The following AUH variants were observed in gnomAD, a reference collection of about 807,000 sequenced individuals.
The protein encoded by AUH is methylglutaconyl-CoA hydratase, mitochondrial.
Under a neutral mutation model 42.3 loss-of-function variants are expected in AUH, and 29 were observed. That is an observed-to-expected ratio of 0.69 (90% CI 0.51 to 0.93). The LOEUF (loss-of-function observed/expected upper bound fraction) is 0.93, where lower values mean the gene tolerates loss of function less well. Among genes scored for constraint, AUH ranks in the 40% least tolerant of loss-of-function variants. The probability of loss-of-function intolerance (pLI) is 0.00; values close to 1 mark genes in which losing one functional copy is unlikely to be tolerated. For missense variants in AUH, 452 were observed against 438.1 expected, an observed-to-expected ratio of 1.03 and a Z score of -0.28; for synonymous variants, 174 against 166.4, an observed-to-expected ratio of 1.05 and a Z score of -0.35.
At chr9:91,216,614 CT>C (rs1200589974) in intron 8 of AUH, among the ~76,000 whole-genome samples, 1 of 152,174 alleles carries the variant, frequency 6.6e-6, no homozygotes, top group Non-Finnish European at 1.5e-5. Flanking sequence ...AAGTCAATCT[CT>C]TTTTACTGCT....
Position 91,361,875 on chromosome 9 carries a change from C to A in AUH, c.15G>T (p.Val5=). ...ATCCCAAGGCCCCAGGTGCCGCCGC[C>A]ACCGCGGCCGCCATGTTGTCTGTTT... MAAA[V]AAAPGALGSL... Residue 5 remains valine, a synonymous_variant, in exon 1 of 10, where the codon GTG becomes GTT. Transcript: ENST00000375731. 1 of 1,466,972 alleles carries A rather than the reference C, an allele frequency of 6.8e-7. No individual in the cohort carries two copies. Among genetic ancestry groups the A allele is most frequent in the Non-Finnish European group, 9.0e-7 (1 of 1,115,656 alleles). 90.9% of individuals were successfully genotyped at this position (1,466,972 alleles called of 1,614,324 possible). A position where few individuals can be genotyped will look rare whatever the true frequency, so the allele number is the denominator to read the frequency against.
chr9:91,227,833 C>A (rs895334338), intron 6 of AUH, among the ~76,000 whole-genome samples: 1 of 152,068 alleles, frequency 6.6e-6, no homozygotes, highest in South Asian at 2.1e-4. Flanking sequence ...GTCTTTGGCT[C>A]TGTTTATGTG....
At chr9:91,267,653 G>A (rs1328143145) in intron 6 of AUH, among the ~76,000 whole-genome samples, 5 of 152,100 alleles carry the variant, frequency 3.3e-5, no homozygotes, top group African/African-American at 4.8e-5. Flanking sequence ...AGAGGTAAAA[G>A]CATTCCACTG....
At chr9:91,217,559 C>T (rs976377524) in intron 7 of AUH, among the ~76,000 whole-genome samples, 1 of 152,098 alleles carries the variant, frequency 6.6e-6, no homozygotes, top group Non-Finnish European at 1.5e-5. Flanking sequence ...CTGCAAACTC[C>T]GGATCCTTAA....
At chr9:91,334,314 T>A (rs1416773443) in intron 3 of AUH, among the ~76,000 whole-genome samples, 1 of 152,180 alleles carries the variant, frequency 6.6e-6, no homozygotes, top group Non-Finnish European at 1.5e-5. Flanking sequence ...ATGACTAGCA[T>A]TTGAATTCGT....
chr9:91,239,814 C>G (rs1001918707), intron 6 of AUH, among the ~76,000 whole-genome samples: 1 of 152,100 alleles, frequency 6.6e-6, no homozygotes, highest in Non-Finnish European at 1.5e-5. Flanking sequence ...CTAACTGGCT[C>G]AACCCCAGCA....
chr9:91,254,077 C>A (rs1322256141), intron 6 of AUH, among the ~76,000 whole-genome samples: 1 of 152,156 alleles, frequency 6.6e-6, no homozygotes, highest in Non-Finnish European at 1.5e-5. Context: ...AACAAATTCA[C>A]AGAAAGAACG....
In AUH at chr9:91,237,146, G is replaced by A. The variant is rs1377885834; in HGVS notation, c.656-16154C>T. On this transcript the variant is annotated intron_variant, in intron 6 of 9. Coordinates refer to ENST00000375731, the MANE Select transcript of AUH (RefSeq NM_001698.3). ...GTGATGAAAATAAACAATAAGCTAT[G>A]TTATAGGTAAAAGATGAATGCCAAT... Among the ~76,000 whole-genome samples the A allele has an allele frequency of 2.6e-5, 4 of 152,286 alleles. No homozygotes were observed. In the South Asian group the frequency reaches 6.2e-4, roughly 24 times the overall value.
chr9:91,312,919 T>G (rs999811736), intron 4 of AUH, among the ~76,000 whole-genome samples: 1 of 152,180 alleles, frequency 6.6e-6, no homozygotes, highest in Non-Finnish European at 1.5e-5. Flanking sequence ...TATTTGTGAT[T>G]CATGAGGCAG....
At chr9:91,282,759 C>A (rs562190842) in intron 6 of AUH, among the ~76,000 whole-genome samples, 1 of 152,160 alleles carries the variant, frequency 6.6e-6, no homozygotes, top group African/African-American at 2.4e-5. Context: ...AAGACGAAAC[C>A]AGGAAGAAGC....
chr9:91,304,705 C>G (rs1162067050), intron 4 of AUH, among the ~76,000 whole-genome samples: 1 of 152,140 alleles, frequency 6.6e-6, no homozygotes, highest in African/African-American at 2.4e-5. Context: ...TATTAATTAA[C>G]AAATTAGCAT....
intron 3 of AUH, among the ~76,000 whole-genome samples, chr9:91,344,417 T>A (rs1445467507): frequency 6.6e-6 from 1 of 152,186 alleles, no homozygotes; most frequent in Non-Finnish European, 1.5e-5. Flanking sequence ...CTAAAATGTA[T>A]AAAACCAAGC....
At chr9:91,264,780 G>A (rs1829884097) in intron 6 of AUH, among the ~76,000 whole-genome samples, 1 of 152,104 alleles carries the variant, frequency 6.6e-6, no homozygotes. Context: ...GAGGTATTTG[G>A]GAAGCTAACT....
At chr9:91,271,031 A>C (rs1825081544) in intron 6 of AUH, among the ~76,000 whole-genome samples, 1 of 152,216 alleles carries the variant, frequency 6.6e-6, no homozygotes, top group Non-Finnish European at 1.5e-5. Flanking sequence ...AAGATATATA[A>C]ATTTTTATTA....
chr9:91,229,953 A>T (rs1202938182), intron 6 of AUH, among the ~76,000 whole-genome samples: 5 of 151,998 alleles, frequency 3.3e-5, no homozygotes, highest in Non-Finnish European at 5.9e-5. Flanking sequence ...CTTCCCTTTG[A>T]GGGTAACCCG....
At chr9:91,306,236 T>G in intron 4 of AUH, 1 of 539,036 alleles carries the variant, frequency 1.9e-6, no homozygotes, top group Non-Finnish European at 2.4e-6. Context: ...AAATTCCAAA[T>G]CAAAAAACCC....
chr9:91,301,208 C>A (rs1827756844), intron 4 of AUH, among the ~76,000 whole-genome samples: 1 of 152,112 alleles, frequency 6.6e-6, no homozygotes, highest in Admixed American at 6.5e-5. Context: ...TGGGTGCTCC[C>A]TCCCTGCTAC....
At chr9:91,234,354 G>C (rs1250619435) in intron 6 of AUH, among the ~76,000 whole-genome samples, 1 of 152,176 alleles carries the variant, frequency 6.6e-6, no homozygotes, top group African/African-American at 2.4e-5. Context: ...AAAGAGCACA[G>C]GGCAGTGACG....
At chr9:91,223,152 T>C (rs1827230830) in intron 6 of AUH, among the ~76,000 whole-genome samples, 2 of 152,190 alleles carry the variant, frequency 1.3e-5, no homozygotes. Context: ...GCTAGAGGTA[T>C]GGTGCAGAAG....
Sources: allele counts gnomAD v4.1 joint callset (sites outside exome capture counted in the v4.1 genomes callset), GRCh38; gene constraint gnomAD v4.1.1; transcripts MANE v1.5; gene names NCBI Gene and HGNC (gene_info 2026-07-23, HGNC 2026-07-21).